Variants in CAPZA1 observed in about 807,000 individuals in gnomAD.
CAPZA1 encodes the protein capping actin protein of muscle Z-line subunit alpha 1, also known as F-actin-capping protein subunit alpha-1.
In CAPZA1, 10 loss-of-function variants were observed where a neutral mutation model predicts 40.8. The ratio of observed to expected loss-of-function variants is 0.25; its 90% CI spans 0.15 to 0.42. The LOEUF is 0.42. Among genes scored for constraint, CAPZA1 ranks in the 10% least tolerant of loss-of-function variants. The pLI, the probability that CAPZA1 is intolerant of heterozygous loss-of-function variation, is 1.00. For synonymous variants in CAPZA1, 98 were observed against 115.0 expected, an observed-to-expected ratio of 0.85 and a Z score of 0.95; for missense variants, 277 against 353.8, an observed-to-expected ratio of 0.78 and a Z score of 1.74.
rs937227776 is a variant in CAPZA1 at position 112,658,960 on chromosome 1, A to G, written c.427-62A>G. 14 of 1,192,720 alleles carry G rather than the reference A, an allele frequency of 1.2e-5. No individual in the cohort carries two copies. In the African/African-American group the frequency reaches 2.0e-4, roughly 17 times the overall value. The allele number at this position is 1,192,720 out of a possible 1,614,324, so 73.9% of individuals were successfully genotyped here. ...GGATTTAACACTCTGCTTTTGTACAATGCATGTTGTTTAAATTAAAAGTGT... is the reference window on the plus strand; with the variant it reads ...GGATTTAACACTCTGCTTTTGTACAGTGCATGTTGTTTAAATTAAAAGTGT... On this transcript the variant is annotated intron_variant, in intron 5 of 9. Transcript: ENST00000263168.
chr1:112,663,259 C>T (rs954513349), intron 7 of CAPZA1, among the ~76,000 whole-genome samples: 6 of 151,514 alleles, frequency 4.0e-5, no homozygotes, highest in East Asian at 3.9e-4. Context: ...CCACTGCACC[C>T]GGCTCATTCC....
intron 7 of CAPZA1, among the ~76,000 whole-genome samples, chr1:112,661,172 A>G (rs1054026275): frequency 1.3e-5 from 2 of 152,144 alleles, no homozygotes; most frequent in African/African-American, 4.8e-5. Flanking sequence ...AAATTCTGTA[A>G]AAGTAAATCT....
intron 1 of CAPZA1, among the ~76,000 whole-genome samples, chr1:112,637,534 A>AC (rs1008211163): frequency 2.0e-5 from 3 of 151,856 alleles, no homozygotes; most frequent in Admixed American, 6.6e-5. Context: ...TGCAGCCTTG[A>AC]CCCCCCAGGC....
At chr1:112,624,656 G>C (rs1257406875) in intron 1 of CAPZA1, among the ~76,000 whole-genome samples, 1 of 135,690 alleles carries the variant, frequency 7.4e-6, no homozygotes, top group African/African-American at 2.8e-5. Flanking sequence ...TAATGGAAAA[G>C]AGTGATTGTG....
chr1:112,664,384 G>A (rs1335122444), intron 7 of CAPZA1, among the ~76,000 whole-genome samples: 1 of 152,104 alleles, frequency 6.6e-6, no homozygotes, highest in East Asian at 1.9e-4. Flanking sequence ...TATCCACAAA[G>A]AGTAAGCCCC....
chr1:112,628,658 G>A (rs1473424906), intron 1 of CAPZA1, among the ~76,000 whole-genome samples: 2 of 152,244 alleles, frequency 1.3e-5, no homozygotes, highest in African/African-American at 4.8e-5. Flanking sequence ...CCTCTAGATA[G>A]GTTCATTTGT....
chr1:112,640,947 T>C (rs1671144578), intron 1 of CAPZA1, among the ~76,000 whole-genome samples: 1 of 152,196 alleles, frequency 6.6e-6, no homozygotes, highest in Non-Finnish European at 1.5e-5. Flanking sequence ...CTCTGAAACA[T>C]GTGCTGTGTC....
intron 6 of CAPZA1, 115 bp from the exon 7 acceptor site, chr1:112,659,581 TCTCTC>T (rs200009640): frequency 0.2 from 136,786 of 690,380 alleles, 8,630 homozygotes; most frequent in East Asian, 0.38. Context: ...AGTTTCTCTC[TCTCTC>T]TTTTTTTTTT....
intron 1 of CAPZA1, among the ~76,000 whole-genome samples, chr1:112,625,528 T>C (rs547464991): frequency 6.6e-6 from 1 of 152,322 alleles, no homozygotes; most frequent in South Asian, 2.1e-4. Context: ...CTGACAGTAT[T>C]CTTTCCAACT....
intron 5 of CAPZA1, among the ~76,000 whole-genome samples, chr1:112,658,054 G>C (rs1431833287): frequency 1.3e-5 from 2 of 152,182 alleles, no homozygotes; most frequent in Non-Finnish European, 2.9e-5. Context: ...CTTCCTGAGT[G>C]ACCTTAGGCA....
chr1:112,645,174 T>G (rs556051133), intron 1 of CAPZA1, among the ~76,000 whole-genome samples: 2 of 152,208 alleles, frequency 1.3e-5, no homozygotes, highest in Non-Finnish European at 2.9e-5. Flanking sequence ...TTCCCTCCCC[T>G]GTAGTCACTA....
At chr1:112,669,859 C>A in intron 9 of CAPZA1, 133 bp from the exon 10 acceptor site, 1 of 966,834 alleles carries the variant, frequency 1.0e-6, no homozygotes, top group Non-Finnish European at 1.6e-6. Context: ...TGGAGAGGAG[C>A]TCATTGAAAA....
intron 8 of CAPZA1, 59 bp downstream of exon 8, chr1:112,667,204 A>G (rs1218319702): frequency 7.8e-7 from 1 of 1,277,266 alleles, no homozygotes; most frequent in African/African-American, 1.5e-5. Context: ...TTAAAAAATT[A>G]GTTTTGATCC....
intron 1 of CAPZA1, among the ~76,000 whole-genome samples, chr1:112,640,188 G>C (rs1194177624): frequency 2.5e-5 from 3 of 119,548 alleles, no homozygotes; most frequent in South Asian, 2.8e-4. Flanking sequence ...GGAGGGAGGT[G>C]GGGGGGTCAG....
In CAPZA1 at chr1:112,669,607, TAAG is replaced by T. The variant is rs1671791852; in HGVS notation, c.720+7_720+9del. 6.3e-7 allele frequency: 1 copy of T among 1,590,966 alleles called. No individual in the cohort carries two copies. Among genetic ancestry groups the T allele is most frequent in the Non-Finnish European group, 8.6e-7 (1 of 1,160,488 alleles). On this transcript the variant is annotated splice_donor_5th_base_variant and intron_variant, in intron 9 of 9. Transcript: ENST00000263168. ...GAGAATGCAGAAAATGAGTATCAGG[TAAG>T]AAGATTTGGAGTTAATTTTCCTAGA...
At chr1:112,651,771 T>G (rs1570717634) in intron 3 of CAPZA1, among the ~76,000 whole-genome samples, 1 of 152,194 alleles carries the variant, frequency 6.6e-6, no homozygotes, top group African/African-American at 2.4e-5. Flanking sequence ...CTAATGTGTT[T>G]GGGATTAATT....
In CAPZA1 at chr1:112,657,642, C is replaced by T. The variant is rs994682808; in HGVS notation, c.427-1380C>T. ...GTTTTGCTCTTTTTGCCCAGGCTGG[C>T]GTACAGTGGCATGATCTCAGCTCAC... On this transcript the variant is annotated intron_variant, in intron 5 of 9. Transcript: ENST00000263168. Among the ~76,000 whole-genome samples, 26 of 151,822 alleles carry T rather than the reference C, an allele frequency of 1.7e-4. 1 individual carries two copies. In the Middle Eastern group the frequency reaches 9.6e-3, roughly 56 times the overall value.
At chr1:112,640,652 C>T (rs1671136588) in intron 1 of CAPZA1, among the ~76,000 whole-genome samples, 1 of 152,088 alleles carries the variant, frequency 6.6e-6, no homozygotes, top group South Asian at 2.1e-4. Flanking sequence ...TGAGGGGTGC[C>T]TCTGCCCGGC....
intron 1 of CAPZA1, among the ~76,000 whole-genome samples, chr1:112,621,344 CT>C (rs1670655983): frequency 6.6e-6 from 1 of 151,976 alleles, no homozygotes; most frequent in East Asian, 1.9e-4. Flanking sequence ...TTCCGCCTCC[CT>C]GGTTCAAATT....
Sources: allele counts gnomAD v4.1 joint callset (sites outside exome capture counted in the v4.1 genomes callset), GRCh38; gene constraint gnomAD v4.1.1; transcripts MANE v1.5; gene names NCBI Gene and HGNC (gene_info 2026-07-23, HGNC 2026-07-21).